The following KPNA4 variants were observed in gnomAD, a reference collection of about 807,000 sequenced individuals.
The protein encoded by KPNA4 is karyopherin subunit alpha 4, also known as importin subunit alpha-3.
A neutral mutation model predicts 71.3 loss-of-function variants in KPNA4; 13 were observed. The ratio of observed to expected loss-of-function variants is 0.18; its 90% CI spans 0.12 to 0.29. The LOEUF is 0.29. Among genes scored for constraint, KPNA4 ranks in the 10% least tolerant of loss-of-function variants. The pLI, the probability that KPNA4 is intolerant of heterozygous loss-of-function variation, is 1.00. For missense variants in KPNA4, 334 were observed against 603.2 expected, an observed-to-expected ratio of 0.55 and a Z score of 4.67; for synonymous variants, 189 against 195.2, an observed-to-expected ratio of 0.97 and a Z score of 0.26.
At chr3:160,546,042 T>C (rs1418433138) in intron 1 of KPNA4, among the ~76,000 whole-genome samples, 2 of 151,294 alleles carry the variant, frequency 1.3e-5, no homozygotes, top group Non-Finnish European at 3.0e-5. Context: ...AAGTAGTCTG[T>C]TGAATCTTGA....
chr3:160,555,609 C>G (rs1440666862), intron 1 of KPNA4, among the ~76,000 whole-genome samples: 1 of 152,144 alleles, frequency 6.6e-6, no homozygotes, highest in East Asian at 1.9e-4. Context: ...TGTGGGATCT[C>G]TTTCTCTCTA....
chr3:160,505,574 T>C (rs996320610), intron 15 of KPNA4, among the ~76,000 whole-genome samples: 1 of 152,206 alleles, frequency 6.6e-6, no homozygotes, highest in African/African-American at 2.4e-5. Flanking sequence ...GAGTTTAAAT[T>C]ATAGGCAGAA....
At position 160,496,797 on chromosome 3, in the gene KPNA4, T is replaced by C. The variant is rs1433062219; in HGVS notation, c.*5307A>G. ...GGTGGGAGGTAGATCATAAAGAATC[T>C]GTAGAACCATTTACTTTTCCTCACA... On this transcript the variant is annotated 3_prime_UTR_variant, in exon 17 of 17. Coordinates refer to ENST00000334256, the MANE Select transcript of KPNA4 (RefSeq NM_002268.5). 6.6e-6 allele frequency: 1 copy of C among 152,198 alleles called. No individual in the cohort carries two copies. Among genetic ancestry groups the C allele is most frequent in the Non-Finnish European group, 1.5e-5 (1 of 68,038 alleles). The allele number at this position is 152,198 out of a possible 1,614,324, so 9.4% of individuals were successfully genotyped here.
At chr3:160,534,063 C>CA (rs1278183083) in intron 5 of KPNA4, among the ~76,000 whole-genome samples, 4 of 152,212 alleles carry the variant, frequency 2.6e-5, no homozygotes, top group Non-Finnish European at 4.4e-5. Flanking sequence ...CTCTGGTACA[C>CA]AATACTGTAA....
chr3:160,502,299 G>GGA (rs1720900556), intron 16 of KPNA4, 97 bp from the exon 17 acceptor site: 1 of 463,030 alleles, frequency 2.2e-6, no homozygotes, highest in South Asian at 5.9e-5. Context: ...AAAAAGGTCT[G>GGA]GAGAGATGAT....
In KPNA4 at chr3:160,536,764, G is replaced by A. The variant is rs140256743; in HGVS notation, c.114+32C>T. On this transcript the variant is annotated intron_variant, in intron 2 of 16. Coordinates refer to ENST00000334256, the MANE Select transcript of KPNA4 (RefSeq NM_002268.5). ...AATGCTATAATGTTGTTAGAATTAT[G>A]CTTAGAAGTACCCAATATTAATCAG... The A allele has an allele frequency of 4.4e-6, 6 of 1,377,180 alleles. No homozygotes were observed. In the South Asian group the frequency reaches 6.4e-5, roughly 15 times the overall value. The allele number at this position is 1,377,180 out of a possible 1,614,324, so 85.3% of individuals were successfully genotyped here.
chr3:160,532,363 A>C (rs1168052076), intron 5 of KPNA4, among the ~76,000 whole-genome samples: 2 of 152,206 alleles, frequency 1.3e-5, no homozygotes, highest in African/African-American at 4.8e-5. Context: ...GTTATAGCTG[A>C]TATTAGTCCC....
At chr3:160,564,857 G>A (rs894034501) in intron 1 of KPNA4, among the ~76,000 whole-genome samples, 212 of 150,734 alleles carry the variant, frequency 1.4e-3, no homozygotes, top group Non-Finnish European at 5.2e-4. Context: ...TGCCGGGGAA[G>A]GGGCCGCGGC....
chr3:160,551,566 G>A (rs1196689791), intron 1 of KPNA4, among the ~76,000 whole-genome samples: 1 of 152,176 alleles, frequency 6.6e-6, no homozygotes. Flanking sequence ...TTAAATGTGA[G>A]GTGGGTTCAC....
chr3:160,562,734 T>C (rs529307871), intron 1 of KPNA4, among the ~76,000 whole-genome samples: 3 of 152,218 alleles, frequency 2.0e-5, no homozygotes, highest in Non-Finnish European at 4.4e-5. Context: ...CCCTAATGTA[T>C]GCACAAGGAT....
intron 1 of KPNA4, among the ~76,000 whole-genome samples, chr3:160,553,075 G>A (rs1317637447): frequency 3.3e-5 from 5 of 152,220 alleles, no homozygotes; most frequent in Non-Finnish European, 5.9e-5. Flanking sequence ...CTCTGGAGAT[G>A]AGACAATAAT....
chr3:160,502,047 C>G lies in KPNA4; in HGVS notation c.*57G>C, dbSNP rs1366372801. ...GTATATATATATATATATACACACA[C>G]ACATATATATATATATATCTCAGTG... On this transcript the variant is annotated 3_prime_UTR_variant, in exon 17 of 17. Coordinates refer to ENST00000334256, the MANE Select transcript of KPNA4 (RefSeq NM_002268.5). The G allele has an allele frequency of 1.0e-5, 6 of 593,516 alleles. No individual in the cohort carries two copies. The South Asian group carries it at 1.2e-4, about 12-fold the overall frequency. 36.8% of individuals were successfully genotyped at this position (593,516 alleles called of 1,614,324 possible).
At chr3:160,530,761 A>G in intron 7 of KPNA4, 94 bp downstream of exon 7, 1 of 797,956 alleles carries the variant, frequency 1.3e-6, no homozygotes, top group Non-Finnish European at 2.1e-6. Context: ...ATTATTTTAT[A>G]ATTTAAATTG....
At chr3:160,560,769 A>G (rs548069472) in intron 1 of KPNA4, among the ~76,000 whole-genome samples, 160 of 152,232 alleles carry the variant, frequency 1.1e-3, no homozygotes, top group Non-Finnish European at 1.8e-3. Flanking sequence ...GTAAACCAGG[A>G]AAGTTGGCAA....
intron 13 of KPNA4, among the ~76,000 whole-genome samples, chr3:160,513,026 G>C (rs143078679): frequency 6.6e-6 from 1 of 152,228 alleles, no homozygotes; most frequent in African/African-American, 2.4e-5. Context: ...AGCTGGAATA[G>C]GCTGTAACAC....
intron 5 of KPNA4, 52 bp downstream of exon 5, chr3:160,535,461 G>T: frequency 7.4e-7 from 1 of 1,359,508 alleles, no homozygotes; most frequent in Non-Finnish European, 1.0e-6. Context: ...ATTCAAAATA[G>T]AACCCCTGTG....
intron 1 of KPNA4, among the ~76,000 whole-genome samples, chr3:160,552,949 G>A (rs1722070141): frequency 6.6e-6 from 1 of 152,118 alleles, no homozygotes; most frequent in Non-Finnish European, 1.5e-5. Flanking sequence ...GTGGTCAGAA[G>A]CTAATGAAGC....
At chr3:160,544,932 A>T (rs763821623) in intron 1 of KPNA4, among the ~76,000 whole-genome samples, 2 of 152,234 alleles carry the variant, frequency 1.3e-5, no homozygotes, top group Non-Finnish European at 2.9e-5. Context: ...ATTTAAGCAA[A>T]TAGTATTATA....
intron 10 of KPNA4, among the ~76,000 whole-genome samples, chr3:160,524,483 A>G (rs2108549765): frequency 6.6e-6 from 1 of 152,056 alleles, no homozygotes; most frequent in East Asian, 1.9e-4. Flanking sequence ...CTGAGACTAC[A>G]GGTGCACATC....
Sources: allele counts gnomAD v4.1 joint callset (sites outside exome capture counted in the v4.1 genomes callset), GRCh38; gene constraint gnomAD v4.1.1; transcripts MANE v1.5; gene names NCBI Gene and HGNC (gene_info 2026-07-23, HGNC 2026-07-21).